Variants in RAB38 observed in about 807,000 individuals in gnomAD.
The protein encoded by RAB38 is RAB38, member RAS oncogene family.
A neutral mutation model predicts 18.4 loss-of-function variants in RAB38; 15 were observed. The ratio of observed to expected loss-of-function variants is 0.82; its 90% CI spans 0.55 to 1.26. RAB38 has a LOEUF of 1.26. Among genes scored for constraint, RAB38 ranks in the 50% most tolerant of loss-of-function variants. The probability of loss-of-function intolerance (pLI) is 0.00; values close to 1 mark genes in which losing one functional copy is unlikely to be tolerated. For synonymous variants in RAB38, 101 were observed against 104.4 expected (o/e 0.97, Z 0.20); for missense variants, 294 against 267.4 (o/e 1.10, Z -0.69).
At chr11:88,033,494 A>G in the RAB38 span, among the ~76,000 whole-genome samples, 7 of 152,282 alleles carry the variant, frequency 4.6e-5, no homozygotes, top group Admixed American at 1.3e-4. Context: ...TCTATTTTAT[A>G]TATCATTGGC....
chr11:87,891,653 T>G, the RAB38 span, among the ~76,000 whole-genome samples: 5 of 151,870 alleles, frequency 3.3e-5, no homozygotes, highest in Admixed American at 3.3e-4. Context: ...TCCCAGTGAA[T>G]AGGCTGCCCA....
intron 2 of RAB38, among the ~76,000 whole-genome samples, chr11:88,131,499 TGACTA>T (rs1243072938): frequency 3.3e-5 from 5 of 152,200 alleles, no homozygotes; most frequent in African/African-American, 7.2e-5. Context: ...ACTGCAGTTA[TGACTA>T]ATGAAATATA....
At chr11:88,168,336 C>T (rs1347686406) in intron 1 of RAB38, among the ~76,000 whole-genome samples, 5 of 152,064 alleles carry the variant, frequency 3.3e-5, no homozygotes, top group Non-Finnish European at 5.9e-5. Context: ...TGCCGCATCC[C>T]TCTTAACACC....
the RAB38 span, among the ~76,000 whole-genome samples, chr11:88,023,818 A>G: frequency 2.9e-4 from 44 of 152,226 alleles, no homozygotes; most frequent in East Asian, 8.1e-3. Context: ...TCAATAAATG[A>G]TGCTGGGAAA....
chr11:88,117,166 T>C (rs1591152955), intron 2 of RAB38, among the ~76,000 whole-genome samples: 1 of 152,092 alleles, frequency 6.6e-6, no homozygotes, highest in East Asian at 1.9e-4. Flanking sequence ...GTACAAAGAG[T>C]AGCAGTTCAT....
the RAB38 span, among the ~76,000 whole-genome samples, chr11:87,887,200 T>C: frequency 6.6e-6 from 1 of 151,964 alleles, no homozygotes; most frequent in African/African-American, 2.4e-5. Flanking sequence ...TTTCCAATTA[T>C]TGCAGTGAGT....
rs571919677 is a variant in RAB38, at chr11:88,126,168, C to A, written c.484-12028G>T. ...GTAGCGTGATGCCTCCAGCTTTGTTCTTTTGGCTTAGGATTGACTTGGCAA... is the reference window on the plus strand; with the variant it reads ...GTAGCGTGATGCCTCCAGCTTTGTTATTTTGGCTTAGGATTGACTTGGCAA... On this transcript the variant is annotated intron_variant, in intron 2 of 2. Coordinates refer to ENST00000243662, the MANE Select transcript of RAB38 (RefSeq NM_022337.3). Among the ~76,000 whole-genome samples, 7 of 152,250 alleles carry A rather than the reference C, an allele frequency of 4.6e-5. 1 individual carries two copies. The South Asian group carries it at 1.5e-3, about 32-fold the overall frequency.
At chr11:87,969,575 T>G in the RAB38 span, among the ~76,000 whole-genome samples, 1 of 152,210 alleles carries the variant, frequency 6.6e-6, no homozygotes, top group Admixed American at 6.5e-5. Flanking sequence ...TATCAAAATT[T>G]TGGAACATCC....
chr11:87,920,039 TCC>T, the RAB38 span, among the ~76,000 whole-genome samples: 3 of 152,106 alleles, frequency 2.0e-5, no homozygotes, highest in East Asian at 3.9e-4. Context: ...TTGAGACTTC[TCC>T]CATAGTCTAG....
the RAB38 span, among the ~76,000 whole-genome samples, chr11:88,028,905 G>A: frequency 6.6e-6 from 1 of 152,126 alleles, no homozygotes; most frequent in African/African-American, 2.4e-5. Flanking sequence ...CTCGAGAAGA[G>A]CAACTCCAAG....
the RAB38 span, chr11:88,097,959 T>C: frequency 6.6e-6 from 1 of 152,094 alleles, no homozygotes; most frequent in East Asian, 1.9e-4. Context: ...CTCATGCTTC[T>C]CTTCTTTCCA....
the RAB38 span, among the ~76,000 whole-genome samples, chr11:88,050,543 T>C: frequency 4.6e-5 from 7 of 152,216 alleles, no homozygotes; most frequent in African/African-American, 1.7e-4. Context: ...GAAAAGAGTG[T>C]ATTGTATAAT....
At chr11:87,850,547 C>T in the RAB38 span, among the ~76,000 whole-genome samples, 1 of 152,064 alleles carries the variant, frequency 6.6e-6, no homozygotes, top group East Asian at 1.9e-4. Context: ...TTGGGAACTA[C>T]TCTCTTGTGT....
At chr11:87,924,832 C>T in the RAB38 span, among the ~76,000 whole-genome samples, 1 of 152,004 alleles carries the variant, frequency 6.6e-6, no homozygotes, top group South Asian at 2.1e-4. Context: ...TCCAGTTTTT[C>T]CACTGCATCT....
At chr11:88,026,398 C>T in the RAB38 span, among the ~76,000 whole-genome samples, 1 of 150,962 alleles carries the variant, frequency 6.6e-6, no homozygotes, top group Non-Finnish European at 1.5e-5. Context: ...CCCGTCTCCA[C>T]TAAAAAAACA....
the RAB38 span, among the ~76,000 whole-genome samples, chr11:87,950,525 A>C: frequency 6.6e-6 from 1 of 152,064 alleles, no homozygotes; most frequent in African/African-American, 2.4e-5. Flanking sequence ...GGCTGGTACC[A>C]GTCGTTCCTT....
At chr11:87,822,032 A>C in the RAB38 span, among the ~76,000 whole-genome samples, 14 of 152,102 alleles carry the variant, frequency 9.2e-5, no homozygotes, top group African/African-American at 3.1e-4. Flanking sequence ...TGCCTCTTCT[A>C]ATTACTGCAG....
At chr11:88,096,235 A>G in the RAB38 span, among the ~76,000 whole-genome samples, 1 of 151,866 alleles carries the variant, frequency 6.6e-6, no homozygotes, top group Non-Finnish European at 1.5e-5. Flanking sequence ...TCTTCAGGTC[A>G]CATTGACCTC....
the RAB38 span, among the ~76,000 whole-genome samples, chr11:88,091,814 C>T: frequency 6.6e-6 from 1 of 151,880 alleles, no homozygotes; most frequent in African/African-American, 2.4e-5. Flanking sequence ...TTGAACAGTA[C>T]TGCTCTTTAT....
Sources: allele counts gnomAD v4.1 joint callset (sites outside exome capture counted in the v4.1 genomes callset), GRCh38; gene constraint gnomAD v4.1.1; transcripts MANE v1.5; gene names NCBI Gene and HGNC (gene_info 2026-07-23, HGNC 2026-07-21).